DOCK8: variants seen among roughly 807,000 people sequenced by gnomAD.
DOCK8 encodes dedicator of cytokinesis protein 8.
In DOCK8, 141 loss-of-function variants were observed where a neutral mutation model predicts 245.6. That is an observed-to-expected ratio of 0.57 (90% confidence interval 0.50 to 0.66). The LOEUF (loss-of-function observed/expected upper bound fraction) is 0.66. Among genes scored for constraint, DOCK8 ranks in the 30% least tolerant of loss-of-function variants. DOCK8 has a pLI of 0.00. For missense variants in DOCK8, 2,965 were observed against 2,603.4 expected (o/e 1.14, Z -3.02); for synonymous variants, 1,168 against 970.2 (o/e 1.20, Z -3.79).
intron 23 of DOCK8, among the ~76,000 whole-genome samples, chr9:388,213 T>A (rs566847303): frequency 6.6e-6 from 1 of 152,178 alleles, no homozygotes; most frequent in East Asian, 1.9e-4. Context: ...ATGTGCACAG[T>A]TAGACCACCT....
At position 403,967 on chromosome 9, in the gene DOCK8, T is replaced by TATATATATAC. The variant is rs2055285085; in HGVS notation, c.3235-943_3235-942insACATATATAT. Among the ~76,000 whole-genome samples, 3 of 91,124 alleles carry TATATATATAC rather than the reference T, an allele frequency of 3.3e-5. 1 individual carries two copies. The highest frequency in any genetic ancestry group is 2.1e-4 in the African/African-American group (3 of 14,252). 59.8% of individuals were successfully genotyped at this position (91,124 alleles called of 152,430 possible). On this transcript the variant is annotated intron_variant, in intron 26 of 47. Coordinates refer to ENST00000432829, the MANE Select transcript of DOCK8 (RefSeq NM_203447.4). ...ATGTGTATATATATATATGTATATA[T>TATATATATAC]ATATATATGTGTATATATATATATG...
intron 1 of DOCK8, among the ~76,000 whole-genome samples, chr9:233,768 C>G (rs1412992495): frequency 6.6e-6 from 1 of 151,936 alleles, no homozygotes; most frequent in Non-Finnish European, 1.5e-5. Flanking sequence ...TCCTCCATCC[C>G]TTTATTTTGA....
intron 11 of DOCK8, among the ~76,000 whole-genome samples, chr9:334,760 G>T (rs1199691671): frequency 1.3e-5 from 2 of 151,744 alleles, no homozygotes; most frequent in African/African-American, 4.8e-5. Flanking sequence ...AAAAAAAAAA[G>T]CCTCTGTTAC....
chr9:291,709 T>C (rs544903536), intron 4 of DOCK8, among the ~76,000 whole-genome samples: 7 of 152,028 alleles, frequency 4.6e-5, no homozygotes, highest in Non-Finnish European at 1.0e-4. Flanking sequence ...TGGAATTAAT[T>C]CCTACAAGAG....
At chr9:401,832 C>A (rs1564018552) in intron 26 of DOCK8, among the ~76,000 whole-genome samples, 1 of 152,146 alleles carries the variant, frequency 6.6e-6, no homozygotes, top group Non-Finnish European at 1.5e-5. Flanking sequence ...GCAGTCTCAT[C>A]TAAGGGAAGT....
intron 5 of DOCK8, among the ~76,000 whole-genome samples, chr9:311,450 A>G (rs1006924330): frequency 5.6e-5 from 8 of 143,634 alleles, no homozygotes; most frequent in Non-Finnish European, 1.1e-4. Context: ...ACTGAGTCTC[A>G]TTGTGTTGCC....
intron 25 of DOCK8, among the ~76,000 whole-genome samples, chr9:397,743 T>G (rs1010052127): frequency 2.0e-5 from 3 of 152,150 alleles, no homozygotes; most frequent in African/African-American, 7.2e-5. Flanking sequence ...AAATACACCT[T>G]GAAGTGTTAT....
In DOCK8 at chr9:403,858, A is replaced by ATCTCTCTGTCTCTCTCTCTC. The variant is rs1554693888; in HGVS notation, c.3235-1053_3235-1052insGTCTCTCTCTCTCTCTCTCT. 2.3e-4 allele frequency among the ~76,000 whole-genome samples: 19 copies of ATCTCTCTGTCTCTCTCTCTC among 83,942 alleles called. 1 individual carries two copies. Among genetic ancestry groups the ATCTCTCTGTCTCTCTCTCTC allele is most frequent in the East Asian group, 7.7e-4 (2 of 2,612 alleles). 55.1% of individuals were successfully genotyped at this position (83,942 alleles called of 152,430 possible). On this transcript the variant is annotated intron_variant, in intron 26 of 47. Coordinates refer to ENST00000432829, the MANE Select transcript of DOCK8 (RefSeq NM_203447.4). ...CCAGTTCAACAGAGCAAGACTCTGTATCTCTCTCTCTCTCTCTCTCTCTCT... is the reference window on the plus strand; with the variant it reads ...CCAGTTCAACAGAGCAAGACTCTGTATCTCTCTGTCTCTCTCTCTCTCTCTCTCTCTCTCTCTCTCTCTCT...
intron 4 of DOCK8, among the ~76,000 whole-genome samples, chr9:295,440 G>A (rs574886818): frequency 6.6e-6 from 1 of 152,252 alleles, no homozygotes; most frequent in East Asian, 1.9e-4. Context: ...TACTTTGGTA[G>A]CATATATAAT....
intron 10 of DOCK8, among the ~76,000 whole-genome samples, chr9:333,553 A>C (rs1181785161): frequency 2.6e-5 from 4 of 151,820 alleles, no homozygotes; most frequent in Non-Finnish European, 4.4e-5. Flanking sequence ...GTGAGCCGAG[A>C]TCGTGCCACT....
intron 2 of DOCK8, among the ~76,000 whole-genome samples, chr9:274,659 C>T (rs1424619598): frequency 1.5e-5 from 2 of 129,182 alleles, no homozygotes; most frequent in East Asian, 4.9e-4. Context: ...TTTCCTTTTA[C>T]CTTTAAAAAA....
intron 2 of DOCK8, among the ~76,000 whole-genome samples, chr9:279,196 T>G (rs752217370): frequency 6.6e-6 from 1 of 152,036 alleles, no homozygotes; most frequent in Non-Finnish European, 1.5e-5. Context: ...CTTGCAGAAG[T>G]GTGGAGGTAT....
chr9:382,399 A>T lies in DOCK8; in HGVS notation c.2606-114A>T, dbSNP rs10973266. ...GATTTGTTAAGAAGTCTCTAATTCC[A>T]AGGCCTAATCCGGTGGCTTTTCATC... On this transcript the variant is annotated intron_variant, in intron 21 of 47. Transcript: ENST00000432829. 2.1e-6 allele frequency: 3 copies of T among 1,443,270 alleles called. No individual in the cohort carries two copies. In the East Asian group the frequency reaches 6.8e-5, roughly 33 times the overall value. The allele number at this position is 1,443,270 out of a possible 1,614,324, so 89.4% of individuals were successfully genotyped here.
intron 46 of DOCK8, among the ~76,000 whole-genome samples, chr9:453,198 G>A (rs865869361): frequency 3.9e-5 from 6 of 152,212 alleles, no homozygotes; most frequent in Admixed American, 6.5e-5. Context: ...ACTGTGCCCT[G>A]CAGTGAATCA....
intron 45 of DOCK8, among the ~76,000 whole-genome samples, chr9:450,856 A>G (rs1483525457): frequency 6.6e-6 from 1 of 151,434 alleles, no homozygotes; most frequent in Non-Finnish European, 1.5e-5. Context: ...CAGTTATGCA[A>G]AATGATGTTT....
At chr9:400,225 A>T (rs1364738125) in intron 26 of DOCK8, among the ~76,000 whole-genome samples, 36 of 91,200 alleles carry the variant, frequency 3.9e-4, no homozygotes, top group Admixed American at 4.7e-4. Context: ...TATCACCACC[A>T]CCTCCACCAT....
intron 14 of DOCK8, among the ~76,000 whole-genome samples, chr9:355,895 G>C (rs1322892677): frequency 6.6e-6 from 1 of 152,198 alleles, no homozygotes; most frequent in Admixed American, 6.5e-5. Flanking sequence ...ATGGAAAGGT[G>C]AGATTTGCAG....
chr9:459,821 T>A (rs563947187), intron 46 of DOCK8: 37 of 152,468 alleles, frequency 2.4e-4, no homozygotes, highest in African/African-American at 8.4e-4. Context: ...CTCTCCTGCA[T>A]GACAGCTTTA....
intron 36 of DOCK8, among the ~76,000 whole-genome samples, chr9:431,570 G>A (rs1038007454): frequency 2.0e-5 from 3 of 152,092 alleles, no homozygotes; most frequent in Non-Finnish European, 2.9e-5. Flanking sequence ...GTGCAGTGGC[G>A]AGATCTTGGC....
Sources: allele counts gnomAD v4.1 joint callset (sites outside exome capture counted in the v4.1 genomes callset), GRCh38; gene constraint gnomAD v4.1.1; transcripts MANE v1.5; gene names NCBI Gene and HGNC (gene_info 2026-07-23, HGNC 2026-07-21).